The following CRACR2A variants were observed in gnomAD, a reference collection of about 807,000 sequenced individuals.
CRACR2A encodes EF-hand calcium-binding domain-containing protein 4B.
CRACR2A carries 79 observed loss-of-function variants against 90.5 expected under a neutral mutation model. That is an observed-to-expected ratio of 0.87 (90% confidence interval 0.73 to 1.05). The LOEUF is 1.05. Ranked by LOEUF, CRACR2A falls within the 50% of genes least tolerant of loss-of-function variation. CRACR2A has a pLI of 0.00. For missense variants in CRACR2A, 823 were observed against 897.2 expected (o/e 0.92, Z 1.06); for synonymous variants, 338 against 356.7 (o/e 0.95, Z 0.59).
intron 12 of CRACR2A, among the ~76,000 whole-genome samples, chr12:3,643,937 T>C (rs1176967910): frequency 8.3e-6 from 1 of 120,344 alleles, no homozygotes; most frequent in Non-Finnish European, 1.7e-5. Flanking sequence ...ATATATAAAC[T>C]GCAGAATGCA....
intron 3 of CRACR2A, among the ~76,000 whole-genome samples, chr12:3,705,366 G>A (rs1052633271): frequency 3.3e-5 from 5 of 152,158 alleles, no homozygotes; most frequent in South Asian, 4.1e-4. Context: ...CAGAAAGTTC[G>A]TAGATCAAAC....
chr12:3,670,164 T>TA (rs1675746822), intron 7 of CRACR2A, among the ~76,000 whole-genome samples: 1 of 152,190 alleles, frequency 6.6e-6, no homozygotes, highest in African/African-American at 2.4e-5. Context: ...AGCTACTGGT[T>TA]ACACACAGAC....
At chr12:3,735,828 C>A (rs771440001) in intron 1 of CRACR2A, among the ~76,000 whole-genome samples, 1 of 152,196 alleles carries the variant, frequency 6.6e-6, no homozygotes, top group Non-Finnish European at 1.5e-5. Flanking sequence ...AGAGTTAGAA[C>A]CTCCGCAGGT....
chr12:3,706,433 T>C (rs1591702011), intron 3 of CRACR2A, among the ~76,000 whole-genome samples: 1 of 152,306 alleles, frequency 6.6e-6, no homozygotes, highest in Non-Finnish European at 1.5e-5. Flanking sequence ...TTTGGACAAA[T>C]ACCACCCCTT....
Position 3,615,412 on chromosome 12 carries a change from C to T in CRACR2A, c.2139G>A (p.Val713=). 6.4e-7 allele frequency: 1 copy of T among 1,551,214 alleles called. No individual in the cohort carries two copies. Among genetic ancestry groups the T allele is most frequent in the Non-Finnish European group, 8.7e-7 (1 of 1,146,718 alleles). The change falls in exon 20 of 20, where the codon GTG becomes GTA. Residue 713 remains valine, a synonymous_variant. Transcript: ENST00000440314. ...GGCCGACCTGAATGGTGTCCTCTCT[C>T]ACTGTGTCTTCTTGCTCCTTGAGGA... ...ARFLKEQEDT[V]REDTIQVGHP... is the part of the protein sequence containing the mutation.
At chr12:3,690,143 C>T (rs913830415) in intron 4 of CRACR2A, among the ~76,000 whole-genome samples, 5 of 151,462 alleles carry the variant, frequency 3.3e-5, no homozygotes, top group South Asian at 4.2e-4. Flanking sequence ...AATGGTTTTT[C>T]GTGTTCCAAT....
At chr12:3,688,069 C>G (rs1468712707) in intron 4 of CRACR2A, among the ~76,000 whole-genome samples, 2 of 152,010 alleles carry the variant, frequency 1.3e-5, no homozygotes, top group African/African-American at 4.8e-5. Context: ...GTGTAAGTTC[C>G]TTGTAGATGC....
At chr12:3,668,678 G>A (rs774152921) in intron 7 of CRACR2A, among the ~76,000 whole-genome samples, 7 of 151,948 alleles carry the variant, frequency 4.6e-5, no homozygotes, top group Non-Finnish European at 8.8e-5. Flanking sequence ...ACAGGCTGCC[G>A]ATCCTTAGGC....
chr12:3,698,283 T>C (rs1287598676), intron 3 of CRACR2A, among the ~76,000 whole-genome samples: 1 of 152,170 alleles, frequency 6.6e-6, no homozygotes, highest in Non-Finnish European at 1.5e-5. Flanking sequence ...TGTCATGCAT[T>C]TTGTGGCGAG....
chr12:3,704,054 T>C (rs566033598), intron 3 of CRACR2A, among the ~76,000 whole-genome samples: 4 of 152,346 alleles, frequency 2.6e-5, no homozygotes, highest in Admixed American at 2.6e-4. Flanking sequence ...AATCCAGCCA[T>C]CCTAGTCCTA....
chr12:3,619,957 C>G (rs1375475425), intron 17 of CRACR2A, among the ~76,000 whole-genome samples: 1 of 152,272 alleles, frequency 6.6e-6, no homozygotes. Flanking sequence ...TTGCTGGAGG[C>G]TGGCACCACA....
intron 1 of CRACR2A, among the ~76,000 whole-genome samples, chr12:3,739,945 T>A (rs118107553): frequency 1.5e-5 from 2 of 129,684 alleles, no homozygotes. Context: ...AAAAAAAAAA[T>A]TATTGCATGC....
chr12:3,641,676 C>T, intron 13 of CRACR2A, 56 bp downstream of exon 13: 2 of 1,497,566 alleles, frequency 1.3e-6, no homozygotes, highest in Non-Finnish European at 1.8e-6. Flanking sequence ...GGGCCCAGAG[C>T]CAGCTCCCAA....
At chr12:3,627,999 TTCCCTCCCTCCCTCCC>T (rs145476593) in intron 15 of CRACR2A, among the ~76,000 whole-genome samples, 1 of 145,988 alleles carries the variant, frequency 6.8e-6, no homozygotes, top group Non-Finnish European at 1.5e-5. Context: ...CACTCTTTCT[TTCCCTCCCTCCCTCCC>T]TCCCTCTCTC....
chr12:3,685,738 T>C (rs1178584876), intron 4 of CRACR2A, among the ~76,000 whole-genome samples: 1 of 152,022 alleles, frequency 6.6e-6, no homozygotes, highest in Non-Finnish European at 1.5e-5. Flanking sequence ...GTGGGCGAAA[T>C]GAGGACATTG....
chr12:3,690,732 T>C (rs1565490995), intron 4 of CRACR2A, among the ~76,000 whole-genome samples: 1 of 152,188 alleles, frequency 6.6e-6, no homozygotes, highest in African/African-American at 2.4e-5. Flanking sequence ...TTCTGCCTCA[T>C]TGATCTGTCT....
chr12:3,726,700 A>G (rs926015171), intron 2 of CRACR2A: 2 of 152,136 alleles, frequency 1.3e-5, no homozygotes, highest in African/African-American at 4.8e-5. Flanking sequence ...AGTCTTACGT[A>G]TAAGTGTAGC....
chr12:3,718,045 T>G (rs1946106023), intron 2 of CRACR2A, among the ~76,000 whole-genome samples: 1 of 152,162 alleles, frequency 6.6e-6, no homozygotes, highest in African/African-American at 2.4e-5. Flanking sequence ...CTCAGGAAGT[T>G]ATTTATCTTC....
chr12:3,660,879 CACACACACAA>C (rs1471995471), intron 7 of CRACR2A, among the ~76,000 whole-genome samples: 36 of 114,360 alleles, frequency 3.1e-4, no homozygotes, highest in African/African-American at 1.1e-3. Context: ...CACACACACA[CACACACACAA>C]TTTTGGCCCC....
Sources: gnomAD v4.1 joint callset for allele counts (sites outside exome capture counted in the v4.1 genomes callset) on GRCh38, gnomAD v4.1.1 for gene constraint, MANE v1.5 for transcripts, NCBI Gene and HGNC (gene_info 2026-07-23, HGNC 2026-07-21) for gene names.